PAH: variants seen among roughly 807,000 people sequenced by gnomAD.
The protein encoded by PAH is phenylalanine hydroxylase.
A neutral mutation model predicts 62.0 loss-of-function variants in PAH; 64 were observed. The ratio of observed to expected loss-of-function variants is 1.03; its 90% CI spans 0.84 to 1.27. The LOEUF (loss-of-function observed/expected upper bound fraction) is 1.27. Ranked by LOEUF, PAH falls within the 50% of genes most tolerant of loss-of-function variation. The pLI is 0.00. For synonymous variants in PAH, 195 were observed against 196.2 expected, an observed-to-expected ratio of 0.99 and a Z score of 0.05; for missense variants, 579 against 542.8, an observed-to-expected ratio of 1.07 and a Z score of -0.66.
At chr12:102,888,943 A>G (rs995002279) in intron 3 of PAH, among the ~76,000 whole-genome samples, 4 of 152,038 alleles carry the variant, frequency 2.6e-5, no homozygotes, top group Non-Finnish European at 5.9e-5. Flanking sequence ...AATGCACGGG[A>G]GAAGGTTTAG....
chr12:102,927,673 T>C (rs2136744937), intron 1 of PAH, among the ~76,000 whole-genome samples: 1 of 152,252 alleles, frequency 6.6e-6, no homozygotes, highest in East Asian at 1.9e-4. Flanking sequence ...AAAATTAAGA[T>C]TATAAAAGTG....
Position 102,876,526 on chromosome 12 carries a change from G to T in PAH, c.441+936C>A, listed in dbSNP as rs184986520. Among the ~76,000 whole-genome samples, 905 of 152,374 alleles carry T rather than the reference G, an allele frequency of 5.9e-3. 6 individuals are homozygous for T. Among genetic ancestry groups the T allele is most frequent in the Non-Finnish European group, 5.0e-3 (342 of 68,038 alleles). On this transcript the variant is annotated intron_variant, in intron 4 of 12. Coordinates refer to ENST00000553106, the MANE Select transcript of PAH (RefSeq NM_000277.3). ...ATAAAGACCCACATAAATGTGAGGA[G>T]AAAACAGACTCCTGTGGAAGTGTAA...
intron 4 of PAH, among the ~76,000 whole-genome samples, chr12:102,875,917 T>G (rs1035724940): frequency 1.6e-4 from 22 of 134,082 alleles, no homozygotes; most frequent in African/African-American, 6.3e-4. Context: ...TGTGTGCATA[T>G]ATATACACCA....
At chr12:102,859,388 C>A (rs1259409710) in intron 5 of PAH, among the ~76,000 whole-genome samples, 1 of 152,134 alleles carries the variant, frequency 6.6e-6, no homozygotes, top group Non-Finnish European at 1.5e-5. Flanking sequence ...CGAATTCTAC[C>A]AGAGGTACAA....
At chr12:102,947,863 G>T (rs1373907101) in intron 1 of PAH, among the ~76,000 whole-genome samples, 1 of 152,182 alleles carries the variant, frequency 6.6e-6, no homozygotes, top group African/African-American at 2.4e-5. Context: ...ACAAACTGTG[G>T]ACCCAGACTA....
At chr12:102,919,912 G>T (rs554479240), upstream of PAH, among the ~76,000 whole-genome samples, 1 of 152,240 alleles carries the variant, frequency 6.6e-6, no homozygotes, top group African/African-American at 2.4e-5. Flanking sequence ...AAACATAAAA[G>T]AACAGACATC....
chr12:102,942,051 C>T (rs1171482464), intron 1 of PAH, among the ~76,000 whole-genome samples: 1 of 151,952 alleles, frequency 6.6e-6, no homozygotes, highest in Non-Finnish European at 1.5e-5. Flanking sequence ...TATTCAACAT[C>T]GTACTAGAAG....
Position 102,922,592 on chromosome 12 carries a change from G to A in PAH, c.-95-5367C>T, listed in dbSNP as rs572041170. Among the ~76,000 whole-genome samples, 18 of 152,302 alleles carry A rather than the reference G, an allele frequency of 1.2e-4. No homozygotes were observed. The East Asian group carries it at 3.1e-3, about 26-fold the overall frequency. On this transcript the variant is annotated intron_variant, in intron 1 of 3. Transcript: ENST00000546844. ...TTTATTCTTTTGTAATGGCTCCATT[G>A]TATTTTTATGTGGATTATCGTAATT...
At chr12:102,923,666 TA>T (rs2096810596) in intron 1 of PAH, 1 of 152,184 alleles carries the variant, frequency 6.6e-6, no homozygotes, top group Non-Finnish European at 1.5e-5. Flanking sequence ...TGTACATATT[TA>T]AAAGTAATTT....
chr12:102,919,511 T>C (rs935727740), upstream of PAH, among the ~76,000 whole-genome samples: 5 of 152,222 alleles, frequency 3.3e-5, no homozygotes, highest in Non-Finnish European at 7.3e-5. Context: ...ATATTCGCCC[T>C]GTTGTACTAT....
At position 102,894,934 on chromosome 12, in the gene PAH, G is replaced by A; in HGVS notation, c.169-16C>T. The A allele has an allele frequency of 2.5e-6, 4 of 1,597,016 alleles. No homozygotes were observed. The highest frequency in any genetic ancestry group is 3.4e-6 in the Non-Finnish European group (4 of 1,166,172). On this transcript the variant is annotated splice_polypyrimidine_tract_variant and intron_variant, in intron 2 of 12. Transcript: ENST00000553106. Reference sequence around the variant, plus strand: ...CATCATTCTCCTAGAAGAGAGAATGGGGAGGGTGAGGAGACAGTCACTGGA... The same window carrying A: ...CATCATTCTCCTAGAAGAGAGAATGAGGAGGGTGAGGAGACAGTCACTGGA...
chr12:102,888,491 T>C (rs1877131287), intron 3 of PAH, among the ~76,000 whole-genome samples: 1 of 150,474 alleles, frequency 6.6e-6, no homozygotes, highest in Non-Finnish European at 1.5e-5. Flanking sequence ...AATGAGAGCC[T>C]CCTTATAATT....
At chr12:102,839,434 A>G (rs1874493489) in intron 12 of PAH, among the ~76,000 whole-genome samples, 2 of 152,234 alleles carry the variant, frequency 1.3e-5, no homozygotes, top group Admixed American at 1.3e-4. Flanking sequence ...CCTTTTCCAT[A>G]GGTCACTTCC....
At position 102,846,673 on chromosome 12, in the gene PAH, A is replaced by C. The variant is rs538943121; in HGVS notation, c.969+222T>G. 7.2e-5 allele frequency among the ~76,000 whole-genome samples: 11 copies of C among 152,322 alleles called. 1 individual carries two copies. The South Asian group carries it at 2.3e-3, about 32-fold the overall frequency. On this transcript the variant is annotated intron_variant, in intron 9 of 12. Coordinates refer to ENST00000553106, the MANE Select transcript of PAH (RefSeq NM_000277.3). ...GTTGGTGGGTTCAAGATACTGCTTA[A>C]AATTTAAGAGATGTAAACATCTGTA...
At chr12:102,902,844 T>TTGGACATTTTTTC (rs1393154874) in intron 2 of PAH, among the ~76,000 whole-genome samples, 1 of 152,152 alleles carries the variant, frequency 6.6e-6, no homozygotes, top group African/African-American at 2.4e-5. Flanking sequence ...GTGTGATTCT[T>TTGGACATTTTTTC]TGGACATTTT....
upstream of PAH, among the ~76,000 whole-genome samples, chr12:102,955,035 G>A (rs1357446901): frequency 6.6e-6 from 1 of 152,216 alleles, no homozygotes; most frequent in Non-Finnish European, 1.5e-5. Context: ...CTGGCATAGG[G>A]AGAATAGAGA....
At chr12:102,858,733 T>C (rs1875563066) in intron 5 of PAH, among the ~76,000 whole-genome samples, 1 of 152,156 alleles carries the variant, frequency 6.6e-6, no homozygotes, top group South Asian at 2.1e-4. Context: ...CCTGGGTACA[T>C]AACGAAATGA....
intron 1 of PAH, among the ~76,000 whole-genome samples, chr12:102,949,836 G>GC (rs1211470751): frequency 6.6e-6 from 1 of 152,054 alleles, no homozygotes; most frequent in Non-Finnish European, 1.5e-5. Context: ...CTCCATGGTT[G>GC]CCCCCACCGC....
At chr12:102,878,268 G>A (rs900038589) in intron 3 of PAH, among the ~76,000 whole-genome samples, 2 of 152,300 alleles carry the variant, frequency 1.3e-5, no homozygotes, top group Non-Finnish European at 2.9e-5. Flanking sequence ...AAAATCTTTC[G>A]ATCGCAAAGC....
Sources: gnomAD v4.1 joint callset for allele counts (sites outside exome capture counted in the v4.1 genomes callset) on GRCh38, gnomAD v4.1.1 for gene constraint, MANE v1.5 for transcripts, NCBI Gene and HGNC (gene_info 2026-07-23, HGNC 2026-07-21) for gene names.